Variants in PTPRG observed in about 807,000 individuals in gnomAD.
PTPRG encodes the protein receptor-type tyrosine-protein phosphatase gamma.
PTPRG carries 102 observed loss-of-function variants against 165.3 expected under a neutral mutation model. That is an observed-to-expected ratio of 0.62 (90% confidence interval 0.53 to 0.73). The LOEUF (loss-of-function observed/expected upper bound fraction) is 0.73. PTPRG is among the 30% of genes least tolerant of loss of function. The pLI, the probability that PTPRG is intolerant of heterozygous loss-of-function variation, is 0.00. For synonymous variants in PTPRG, 675 were observed against 669.5 expected (o/e 1.01, Z -0.13); for missense variants, 1,866 against 1,861.4 (o/e 1.00, Z -0.05).
rs113091915 is a variant in PTPRG, at chr3:61,862,536, C to T, written c.190+113554C>T. ...CCGAGTAGCTGGGATTACAGGCATGCACCACCACGCCCAGCACGCCCACTA... is the reference window on the plus strand; with the variant it reads ...CCGAGTAGCTGGGATTACAGGCATGTACCACCACGCCCAGCACGCCCACTA... On this transcript the variant is annotated intron_variant, in intron 2 of 29. Transcript: ENST00000474889. 3.6e-3 allele frequency among the ~76,000 whole-genome samples: 547 copies of T among 152,030 alleles called. 1 individual carries two copies. The highest frequency in any genetic ancestry group is 0.013 in the African/African-American group (526 of 41,482).
chr3:61,676,410 T>G (rs1436580636), intron 1 of PTPRG, among the ~76,000 whole-genome samples: 1 of 120,226 alleles, frequency 8.3e-6, no homozygotes, highest in African/African-American at 3.2e-5. Context: ...TGAGCTGAGA[T>G]TGCACCACTG....
At chr3:61,621,033 G>GTATATATATATA (rs368012442) in intron 1 of PTPRG, among the ~76,000 whole-genome samples, 127 of 129,936 alleles carry the variant, frequency 9.8e-4, no homozygotes, top group East Asian at 1.9e-3. Flanking sequence ...GTGTGTGTGT[G>GTATATATATATA]TATATATATA....
At chr3:62,141,897 T>C (rs1434851370) in intron 6 of PTPRG, among the ~76,000 whole-genome samples, 4 of 151,428 alleles carry the variant, frequency 2.6e-5, no homozygotes, top group Admixed American at 6.6e-5. Context: ...CAAAACTGTC[T>C]CAAAAAAAAA....
chr3:61,696,855 G>A (rs781680206), intron 1 of PTPRG, among the ~76,000 whole-genome samples: 1 of 152,168 alleles, frequency 6.6e-6, no homozygotes, highest in South Asian at 2.1e-4. Context: ...TCAGACTGGG[G>A]TTTAAATATT....
intron 2 of PTPRG, among the ~76,000 whole-genome samples, chr3:61,853,764 A>T (rs550612011): frequency 6.6e-6 from 1 of 152,318 alleles, no homozygotes; most frequent in East Asian, 1.9e-4. Flanking sequence ...TACATAAAAT[A>T]TTCCTTTTGG....
At chr3:62,183,520 C>T (rs62243866) in intron 8 of PTPRG, among the ~76,000 whole-genome samples, 8,829 of 149,412 alleles carry the variant, frequency 0.059, 355 homozygotes, top group Non-Finnish European at 0.087. Flanking sequence ...GCCAAGATTA[C>T]ACCACTGCAC....
At chr3:61,627,517 T>C (rs182945154) in intron 1 of PTPRG, among the ~76,000 whole-genome samples, 12 of 152,296 alleles carry the variant, frequency 7.9e-5, no homozygotes, top group African/African-American at 2.6e-4. Context: ...GTAATGAATA[T>C]TTAAATATGT....
chr3:61,562,472 C>T, intron 1 of PTPRG, 100 bp downstream of exon 1: 1 of 1,161,396 alleles, frequency 8.6e-7, no homozygotes, highest in Non-Finnish European at 1.3e-6. Flanking sequence ...TCCGGGAGAC[C>T]CTGGAGAGGG....
chr3:61,986,374 A>G (rs950457244), intron 2 of PTPRG, among the ~76,000 whole-genome samples: 1 of 152,186 alleles, frequency 6.6e-6, no homozygotes, highest in Non-Finnish European at 1.5e-5. Flanking sequence ...GTATAATAGT[A>G]ATAATGGGGT....
intron 2 of PTPRG, among the ~76,000 whole-genome samples, chr3:61,818,242 A>G (rs987628533): frequency 6.6e-6 from 1 of 152,200 alleles, no homozygotes; most frequent in Non-Finnish European, 1.5e-5. Flanking sequence ...GTTGAACACT[A>G]TATACCTGAT....
At chr3:61,609,626 T>C (rs1701110743) in intron 1 of PTPRG, among the ~76,000 whole-genome samples, 1 of 151,538 alleles carries the variant, frequency 6.6e-6, no homozygotes, top group South Asian at 2.1e-4. Context: ...TGAGGCCGAG[T>C]TGGGTGGATT....
intron 4 of PTPRG, among the ~76,000 whole-genome samples, chr3:62,061,979 G>A (rs1192849208): frequency 6.6e-6 from 1 of 151,742 alleles, no homozygotes; most frequent in African/African-American, 2.4e-5. Flanking sequence ...ATGGCTGGCT[G>A]TTGGAGAGTG....
intron 2 of PTPRG, among the ~76,000 whole-genome samples, chr3:61,819,216 A>G (rs1232631403): frequency 6.6e-6 from 1 of 152,180 alleles, no homozygotes; most frequent in Non-Finnish European, 1.5e-5. Flanking sequence ...GTCTTCAACT[A>G]TGAAGATCAT....
intron 5 of PTPRG, among the ~76,000 whole-genome samples, chr3:62,125,593 T>A (rs1703259011): frequency 6.6e-6 from 1 of 151,994 alleles, no homozygotes; most frequent in African/African-American, 2.4e-5. Context: ...TGTCCAGCAC[T>A]GCCACACAGA....
At chr3:61,960,290 G>A (rs1189961752) in intron 2 of PTPRG, among the ~76,000 whole-genome samples, 3 of 151,896 alleles carry the variant, frequency 2.0e-5, no homozygotes. Flanking sequence ...CTGTCTGGCT[G>A]TCATGCATCT....
intron 7 of PTPRG, among the ~76,000 whole-genome samples, chr3:62,165,988 C>T (rs1704958642): frequency 6.6e-6 from 1 of 152,002 alleles, no homozygotes; most frequent in African/African-American, 2.4e-5. Context: ...TTAGTATTAA[C>T]TGCCTTCTGG....
rs561334410 is a variant in PTPRG, at chr3:61,939,928, C to CTTTTTTT, written c.191-49667_191-49661dup. 8.2e-4 allele frequency among the ~76,000 whole-genome samples: 32 copies of CTTTTTTT among 39,142 alleles called. 12 individuals are homozygous for CTTTTTTT. Among genetic ancestry groups the CTTTTTTT allele is most frequent in the East Asian group, 2.8e-3 (2 of 726 alleles). The allele number at this position is 39,142 out of a possible 152,430, so 25.7% of individuals were successfully genotyped here. ...TGTCTTGGCTTCCTTACTGACTTGT[C>CTTTTTTT]TTTTTTTTTTTTTTTTTTTTTTTTT... On this transcript the variant is annotated intron_variant, in intron 2 of 29. Coordinates refer to ENST00000474889, the MANE Select transcript of PTPRG (RefSeq NM_002841.4).
At chr3:62,066,815 G>A (rs1419128439) in intron 4 of PTPRG, among the ~76,000 whole-genome samples, 3 of 152,066 alleles carry the variant, frequency 2.0e-5, no homozygotes, top group Non-Finnish European at 2.9e-5. Context: ...CGAGGTGGGC[G>A]GATCATGAGG....
At chr3:62,230,902 G>C (rs1413966188) in intron 13 of PTPRG, among the ~76,000 whole-genome samples, 4 of 152,224 alleles carry the variant, frequency 2.6e-5, no homozygotes, top group Admixed American at 6.5e-5. Flanking sequence ...AAAGGTGGAA[G>C]AGTGGGTATA....
Sources: gnomAD v4.1 joint callset for allele counts (sites outside exome capture counted in the v4.1 genomes callset) on GRCh38, gnomAD v4.1.1 for gene constraint, MANE v1.5 for transcripts, NCBI Gene and HGNC (gene_info 2026-07-23, HGNC 2026-07-21) for gene names.